NTRK1: variants seen among roughly 807,000 people sequenced by gnomAD.
The protein encoded by NTRK1 is high affinity nerve growth factor receptor.
NTRK1 carries 62 observed loss-of-function variants against 86.8 expected under a neutral mutation model. That is an observed-to-expected ratio of 0.71 (90% CI 0.58 to 0.88). The LOEUF is 0.88. NTRK1 is among the 40% of genes least tolerant of loss of function. The pLI, the probability that NTRK1 is intolerant of heterozygous loss-of-function variation, is 0.00. For missense variants in NTRK1, 967 were observed against 1,078.4 expected (o/e 0.90, Z 1.45); for synonymous variants, 469 against 456.6 (o/e 1.03, Z -0.35).
intron 6 of NTRK1, among the ~76,000 whole-genome samples, chr1:156,869,558 C>T (rs1647420821): frequency 6.6e-6 from 1 of 152,140 alleles, no homozygotes; most frequent in African/African-American, 2.4e-5. Context: ...CTCCAGCTCT[C>T]TCACTAATTA....
intron 1 of NTRK1, among the ~76,000 whole-genome samples, chr1:156,823,961 A>G (rs1480180921): frequency 1.3e-5 from 2 of 152,184 alleles, no homozygotes; most frequent in African/African-American, 2.4e-5. Flanking sequence ...CTGTGTGCAC[A>G]CTTCCATAGG....
intron 1 of NTRK1, chr1:156,841,748 C>T (rs373645586): frequency 1.9e-6 from 3 of 1,614,172 alleles, no homozygotes; most frequent in African/African-American, 1.3e-5. Flanking sequence ...CCTTCCCACC[C>T]TTGCGGTAAT....
At position 156,821,819 on chromosome 1, in the gene NTRK1, C is replaced by G. The variant is rs923127648; in HGVS notation, c.-64+5981C>G. Among the ~76,000 whole-genome samples, 16 of 152,314 alleles carry G rather than the reference C, an allele frequency of 1.1e-4. 1 individual carries two copies. The South Asian group carries it at 2.5e-3, about 24-fold the overall frequency. On this transcript the variant is annotated intron_variant, in intron 1 of 16. Coordinates refer to the NTRK1 transcript ENST00000392302. ...GGAGGAGCGATTTATCTGCCCAACTCCCTGGTGCTTCCCACTTCCCACTGG... is the reference window on the plus strand; with the variant it reads ...GGAGGAGCGATTTATCTGCCCAACTGCCTGGTGCTTCCCACTTCCCACTGG...
intron 14 of NTRK1, among the ~76,000 whole-genome samples, chr1:156,878,196 G>T (rs1254527403): frequency 1.3e-5 from 2 of 152,164 alleles, no homozygotes; most frequent in Non-Finnish European, 2.9e-5. Context: ...TGTACTTCCA[G>T]TTCCCTCTGC....
In NTRK1 at chr1:156,876,037, T is replaced by C. The variant is rs1647882856; in HGVS notation, c.1502-43T>C. ...ACAGTCCCCGCTACAACCCCAGCCC[T>C]CCCAAGACTGGGGCTACCGTCTGAC... is the stretch of plus-strand genomic sequence containing the variant. On this transcript the variant is annotated intron_variant, in intron 12 of 16. Transcript: ENST00000524377. 6 of 1,613,726 alleles carry C rather than the reference T, an allele frequency of 3.7e-6. No individual in the cohort carries two copies. In the Admixed American group the frequency reaches 5.0e-5, roughly 13 times the overall value.
intron 1 of NTRK1, chr1:156,841,763 T>C (rs1654795216): frequency 1.2e-6 from 2 of 1,613,948 alleles, no homozygotes; most frequent in African/African-American, 1.3e-5. Flanking sequence ...GGTAATAGTC[T>C]GTCTCATACA....
chr1:156,852,022 A>G (rs759224036), intron 2 of NTRK1: 1 of 1,613,552 alleles, frequency 6.2e-7, no homozygotes. Context: ...GCCAGGACTC[A>G]TACTGGTAGG....
rs1329348848 is a variant in NTRK1, at chr1:156,866,882, C to G, written c.360-28C>G. 6 of 1,612,928 alleles carry G rather than the reference C, an allele frequency of 3.7e-6. No individual in the cohort carries two copies. The South Asian group carries it at 6.6e-5, about 18-fold the overall frequency. On this transcript the variant is annotated intron_variant, in intron 3 of 16. Transcript: ENST00000524377. ...AGTGAGGTCGGGTCACTCAAGGGGT[C>G]TGTCTTGCTGTGTCTCCACGCCCGC...
chr1:156,841,168 G>T (rs1011604129), intron 1 of NTRK1: 11 of 1,276,458 alleles, frequency 8.6e-6, no homozygotes, highest in African/African-American at 3.0e-5. Flanking sequence ...TCAGCCTCCT[G>T]CACTGAGGGT....
intron 1 of NTRK1, among the ~76,000 whole-genome samples, chr1:156,819,321 T>G (rs1654118329): frequency 6.6e-6 from 1 of 151,992 alleles, no homozygotes; most frequent in South Asian, 2.1e-4. Flanking sequence ...TCTATTGTTT[T>G]TTGACTTTTT....
intron 7 of NTRK1, 120 bp downstream of exon 7, chr1:156,871,875 C>T (rs2102900835): frequency 7.3e-7 from 1 of 1,363,696 alleles, no homozygotes; most frequent in South Asian, 1.2e-5. Flanking sequence ...GCTGCTCCCT[C>T]CCAGCTGTTT....
At chr1:156,866,366 G>A (rs4661231) in intron 3 of NTRK1, among the ~76,000 whole-genome samples, 5,719 of 152,314 alleles carry the variant, frequency 0.038, 131 homozygotes, top group Admixed American at 0.057. Context: ...CAACGAGGGG[G>A]CTGGGGGTGT....
intron 2 of NTRK1, chr1:156,851,313 G>A (rs573183273): frequency 6.2e-7 from 1 of 1,614,168 alleles, no homozygotes; most frequent in Non-Finnish European, 8.5e-7. Context: ...CGTCTCCCCG[G>A]ATTAGTTTGA....
At chr1:156,863,371 CG>C (rs1558097184) in intron 1 of NTRK1, among the ~76,000 whole-genome samples, 1 of 151,924 alleles carries the variant, frequency 6.6e-6, no homozygotes, top group African/African-American at 2.4e-5. Context: ...TTTTTCTGCC[CG>C]TCTGCCCCCA....
At chr1:156,857,718 GTC>G (rs1655459813), upstream of NTRK1, among the ~76,000 whole-genome samples, 1 of 152,218 alleles carries the variant, frequency 6.6e-6, no homozygotes, top group African/African-American at 2.4e-5. Flanking sequence ...GGAGCCCCCA[GTC>G]TGAGGGGCAT....
At position 156,868,662 on chromosome 1, in the gene NTRK1, G is replaced by A. The variant is rs374571467; in HGVS notation, c.717+15G>A. The A allele has an allele frequency of 5.6e-5, 87 of 1,549,900 alleles. No homozygotes were observed. Among genetic ancestry groups the A allele is most frequent in the Admixed American group, 2.5e-4 (13 of 50,986 alleles). On this transcript the variant is annotated intron_variant, in intron 6 of 16. Transcript: ENST00000524377. ...CCACGGTGATGGTGAGAAGACCTTCGCTGGCAGCCCCCAAGAGGTCCAGGC... is the reference window on the plus strand; with the variant it reads ...CCACGGTGATGGTGAGAAGACCTTCACTGGCAGCCCCCAAGAGGTCCAGGC...
rs56377825 is a variant in NTRK1, at chr1:156,852,093, A to G, written c.50+9900A>G. The G allele has an allele frequency of 2.0e-3, 3,164 of 1,613,706 alleles. 2 individuals are homozygous for G. Among genetic ancestry groups the G allele is most frequent in the Non-Finnish European group, 2.3e-3 (2,720 of 1,179,976 alleles). ...AAGTAGAGGTGGCGGCAAGCTACAC[A>G]GGCACGAGGGTCTTCTGGCTGGCTG... On this transcript the variant is annotated intron_variant, in intron 2 of 16. Coordinates refer to the NTRK1 transcript ENST00000392302.
At position 156,864,499 on chromosome 1, in the gene NTRK1, C is replaced by A. The variant is rs1405580126; in HGVS notation, c.287+71C>A. The A allele has an allele frequency of 3.3e-6, 5 of 1,507,118 alleles. No individual in the cohort carries two copies. In the East Asian group the frequency reaches 9.0e-5, roughly 27 times the overall value. The allele number at this position is 1,507,118 out of a possible 1,614,324, so 93.4% of individuals were successfully genotyped here. A position where few individuals can be genotyped will look rare whatever the true frequency, so the allele number is the denominator to read the frequency against. On this transcript the variant is annotated intron_variant, in intron 2 of 16. Coordinates refer to ENST00000524377, the MANE Select transcript of NTRK1 (RefSeq NM_002529.4). The stretch of plus-strand genomic sequence containing the variant: ...GGGGAGACCAGAAGGTCAGGGAGGG[C>A]TCAAGCATCCGAGGGCCTGGGAGGA...
rs1208325176 is a variant in NTRK1 at position 156,820,759 on chromosome 1, C to T, written c.-64+4921C>T. 2.6e-5 allele frequency among the ~76,000 whole-genome samples: 4 copies of T among 152,132 alleles called. No homozygotes were observed. The East Asian group carries it at 5.8e-4, about 22-fold the overall frequency. On this transcript the variant is annotated intron_variant, in intron 1 of 16. Transcript: ENST00000392302. ...TTCTTTTTGCATAGTATTGCTTTGG[C>T]TATATGGGCTCTTTTTTGGTTCCAT... is the stretch of plus-strand genomic sequence containing the variant.
Sources: allele counts gnomAD v4.1 joint callset (sites outside exome capture counted in the v4.1 genomes callset), GRCh38; gene constraint gnomAD v4.1.1; transcripts MANE v1.5; gene names NCBI Gene and HGNC (gene_info 2026-07-23, HGNC 2026-07-21).